PCDHA4: variants seen among roughly 807,000 people sequenced by gnomAD.
The protein encoded by PCDHA4 is protocadherin alpha 4, also known as protocadherin alpha-4.
In PCDHA4, 49 loss-of-function variants were observed where a neutral mutation model predicts 61.4. The ratio of observed to expected loss-of-function variants is 0.80; its 90% CI spans 0.63 to 1.01. The LOEUF is 1.01. Among genes scored for constraint, PCDHA4 ranks in the 50% least tolerant of loss-of-function variants. The probability of loss-of-function intolerance (pLI) is 0.00; values close to 1 mark genes in which losing one functional copy is unlikely to be tolerated. For synonymous variants in PCDHA4, 590 were observed against 550.3 expected, an observed-to-expected ratio of 1.07 and a Z score of -1.01; for missense variants, 1,254 against 1,235.8, an observed-to-expected ratio of 1.01 and a Z score of -0.22.
intron 1 of PCDHA4, among the ~76,000 whole-genome samples, chr5:140,893,800 T>C (rs1483033571): frequency 6.6e-6 from 1 of 152,174 alleles, no homozygotes; most frequent in Non-Finnish European, 1.5e-5. Flanking sequence ...ATTCCCTCCT[T>C]GTCTTGAGTC....
intron 1 of PCDHA4, among the ~76,000 whole-genome samples, chr5:140,938,877 A>ACACACACACACACAGATG (rs2092241507): frequency 1.3e-5 from 2 of 150,854 alleles, no homozygotes; most frequent in South Asian, 4.2e-4. Context: ...TTAAGAAGCA[A>ACACACACACACACAGATG]CACACACACA....
At chr5:140,876,750 T>C (rs2056553251) in intron 1 of PCDHA4, 7 of 1,614,238 alleles carry the variant, frequency 4.3e-6, no homozygotes, top group African/African-American at 1.3e-5. Flanking sequence ...TGGTGGTGAC[T>C]GCGCGGGATG....
chr5:140,855,778 TA>T, intron 1 of PCDHA4: 2 of 407,848 alleles, frequency 4.9e-6, no homozygotes, highest in Non-Finnish European at 8.8e-6. Context: ...TAAAAATACG[TA>T]AAAAAAGAAT....
chr5:140,991,019 T>G (rs1333119856), intron 3 of PCDHA4, among the ~76,000 whole-genome samples: 1 of 152,178 alleles, frequency 6.6e-6, no homozygotes, highest in Non-Finnish European at 1.5e-5. Flanking sequence ...GATAAGCACT[T>G]TACATATGTT....
intron 1 of PCDHA4, among the ~76,000 whole-genome samples, chr5:140,925,287 A>G (rs905857397): frequency 4.7e-4 from 72 of 152,294 alleles, no homozygotes; most frequent in African/African-American, 1.7e-3. Context: ...TGCCTTTCAA[A>G]TGTTTCATTA....
chr5:140,833,197 A>C (rs2150206891), intron 1 of PCDHA4, among the ~76,000 whole-genome samples: 8 of 152,216 alleles, frequency 5.3e-5, no homozygotes, highest in Non-Finnish European at 8.8e-5. Context: ...TAAATGAAGG[A>C]GAATGAAATA....
chr5:140,896,053 C>T (rs371706160), intron 1 of PCDHA4, among the ~76,000 whole-genome samples: 8 of 152,164 alleles, frequency 5.3e-5, no homozygotes, highest in Non-Finnish European at 1.2e-4. Context: ...TCAGGTGATC[C>T]GCCTGCCTCG....
chr5:140,935,921 C>G (rs1480748257), intron 1 of PCDHA4, among the ~76,000 whole-genome samples: 2 of 129,532 alleles, frequency 1.5e-5, no homozygotes, highest in African/African-American at 5.8e-5. Context: ...GAGACAGATT[C>G]TCATTCTGTT....
In PCDHA4 at chr5:140,823,155, C is replaced by G. The variant is rs142802947; in HGVS notation, c.2385+13583C>G. On this transcript the variant is annotated intron_variant, in intron 1 of 3. Transcript: ENST00000530339. ...CGGCGTTCGCGCAGCCCCAGTATAC[C>G]GTGTTCGTGAAGGAGAACAACCCGC... The G allele has an allele frequency of 1.5e-5, 25 of 1,613,718 alleles. No individual in the cohort carries two copies. In the Admixed American group the frequency reaches 4.0e-4, roughly 26 times the overall value.
chr5:140,870,947 G>A lies in PCDHA4; in HGVS notation c.2385+61375G>A. ...TCATATGAATTGCAGCCGGCGGCGGGCGGCTCGCGCATCCCGTTCCGCGTG... is the reference window on the plus strand; with the variant it reads ...TCATATGAATTGCAGCCGGCGGCGGACGGCTCGCGCATCCCGTTCCGCGTG... On this transcript the variant is annotated intron_variant, in intron 1 of 3. Coordinates refer to ENST00000530339, the MANE Select transcript of PCDHA4 (RefSeq NM_018907.4). The A allele has an allele frequency of 6.2e-7, 1 of 1,613,700 alleles. No homozygotes were observed. Among genetic ancestry groups the A allele is most frequent in the Non-Finnish European group, 8.5e-7 (1 of 1,179,896 alleles).
chr5:140,955,813 G>A (rs1428196745), intron 1 of PCDHA4, among the ~76,000 whole-genome samples: 1 of 152,096 alleles, frequency 6.6e-6, no homozygotes, highest in Non-Finnish European at 1.5e-5. Context: ...TGTGTCCACT[G>A]TGATTTCCTT....
intron 1 of PCDHA4, among the ~76,000 whole-genome samples, chr5:140,946,679 C>T (rs556487333): frequency 4.1e-5 from 6 of 144,812 alleles, no homozygotes; most frequent in East Asian, 4.0e-4. Flanking sequence ...TCCTGTCATT[C>T]GTGACAATAT....
At chr5:140,848,361 A>G in intron 1 of PCDHA4, 1 of 1,069,062 alleles carries the variant, frequency 9.4e-7, no homozygotes, top group East Asian at 2.4e-5. Context: ...TTCCCATGGG[A>G]AAGAGGCTCA....
At chr5:140,915,683 G>A (rs1052949485) in intron 1 of PCDHA4, among the ~76,000 whole-genome samples, 1 of 150,776 alleles carries the variant, frequency 6.6e-6, no homozygotes, top group African/African-American at 2.4e-5. Context: ...TTGAACTAGG[G>A]GTATGGTGAT....
intron 1 of PCDHA4, among the ~76,000 whole-genome samples, chr5:140,955,110 T>C (rs915501300): frequency 7.2e-5 from 11 of 152,274 alleles, no homozygotes; most frequent in African/African-American, 2.6e-4. Flanking sequence ...TTCTGAGTTC[T>C]CTATTCTGTT....
At position 140,808,919 on chromosome 5, in the gene PCDHA4, A is replaced by G; in HGVS notation, c.1732A>G (p.Ser578Gly). The change falls in exon 1 of 4, where the codon AGC becomes GGC. Residue 578 changes from serine (S) to glycine (G), a missense_variant. Ser to Gly is a moderately conservative substitution (Grantham distance 56). Coordinates refer to ENST00000530339, the MANE Select transcript of PCDHA4 (RefSeq NM_018907.4). ...PRAGGTGGAV[S>G]ELVPWSVGVG... is the part of the protein sequence containing the mutation. Reference sequence around the variant, plus strand: ...GGCGGGTGGCACTGGTGGCGCAGTGAGCGAGCTGGTGCCATGGTCGGTGGG... The same window carrying G: ...GGCGGGTGGCACTGGTGGCGCAGTGGGCGAGCTGGTGCCATGGTCGGTGGG... 2.5e-6 allele frequency: 4 copies of G among 1,613,638 alleles called. No homozygotes were observed. The highest frequency in any genetic ancestry group is 3.4e-6 in the Non-Finnish European group (4 of 1,179,824).
At chr5:140,959,548 A>G (rs1554224134) in intron 1 of PCDHA4, among the ~76,000 whole-genome samples, 2 of 152,194 alleles carry the variant, frequency 1.3e-5, no homozygotes, top group Non-Finnish European at 2.9e-5. Flanking sequence ...ATGCTGTATA[A>G]ATAGAATCAG....
intron 1 of PCDHA4, chr5:140,811,556 A>G (rs1423019320): frequency 6.6e-6 from 1 of 152,204 alleles, no homozygotes; most frequent in Non-Finnish European, 1.5e-5. Flanking sequence ...CTAGTTCCAG[A>G]TCCTTGAGGA....
rs185481644 is a variant in PCDHA4, at chr5:140,906,049, T to C, written c.2386-72900T>C. 1.7e-3 allele frequency among the ~76,000 whole-genome samples: 263 copies of C among 152,304 alleles called. 2 individuals are homozygous for C. Among genetic ancestry groups the C allele is most frequent in the African/African-American group, 5.9e-3 (247 of 41,562 alleles). ...TTCTTCTGTCTGCTTTTATTCTGGC[T>C]GCACTGGCAGCTGATTAGATCGCAC... On this transcript the variant is annotated intron_variant, in intron 1 of 3. Transcript: ENST00000530339.
Sources: allele counts gnomAD v4.1 joint callset (sites outside exome capture counted in the v4.1 genomes callset), GRCh38; gene constraint gnomAD v4.1.1; transcripts MANE v1.5; gene names NCBI Gene and HGNC (gene_info 2026-07-23, HGNC 2026-07-21).